NRG3: variants seen among roughly 807,000 people sequenced by gnomAD.
NRG3 encodes the protein pro-neuregulin-3, membrane-bound isoform.
NRG3 carries 31 observed loss-of-function variants against 66.9 expected under a neutral mutation model. The ratio of observed to expected loss-of-function variants is 0.46; its 90% CI spans 0.35 to 0.63. NRG3 has a LOEUF of 0.63. NRG3 is among the 20% of genes least tolerant of loss of function. The pLI is 0.00. For synonymous variants in NRG3, 393 were observed against 359.4 expected (o/e 1.09, Z -1.06); for missense variants, 910 against 878.9 (o/e 1.04, Z -0.45).
At chr10:82,314,604 C>A (rs942030240) in intron 1 of NRG3, among the ~76,000 whole-genome samples, 2 of 151,982 alleles carry the variant, frequency 1.3e-5, no homozygotes, top group Non-Finnish European at 2.9e-5. Flanking sequence ...GTCAGGAGAT[C>A]GAGACCATCC....
chr10:82,392,341 A>T (rs1034624788), intron 2 of NRG3, among the ~76,000 whole-genome samples: 11 of 152,154 alleles, frequency 7.2e-5, no homozygotes, highest in Admixed American at 5.9e-4. Flanking sequence ...CTGATAGACC[A>T]AGTGTTTAGG....
chr10:82,383,922 CTT>C (rs1415687477), intron 2 of NRG3, among the ~76,000 whole-genome samples: 1 of 151,736 alleles, frequency 6.6e-6, no homozygotes, highest in East Asian at 1.9e-4. Context: ...TCTTTTATGT[CTT>C]TTTATTTTTA....
intron 2 of NRG3, among the ~76,000 whole-genome samples, chr10:82,408,153 A>G (rs892086867): frequency 6.6e-6 from 1 of 151,140 alleles, no homozygotes; most frequent in African/African-American, 2.5e-5. Context: ...GAAAAGAAAA[A>G]GAAAAGTAAC....
chr10:82,914,664 A>G (rs79319236), intron 4 of NRG3, among the ~76,000 whole-genome samples: 12,763 of 151,930 alleles, frequency 0.084, 1,135 homozygotes, highest in African/African-American at 0.23. Flanking sequence ...TGCAGGAAAG[A>G]AAGTGTTTTA....
intron 1 of NRG3, among the ~76,000 whole-genome samples, chr10:81,943,497 T>C (rs1257904640): frequency 1.3e-5 from 2 of 152,326 alleles, no homozygotes; most frequent in African/African-American, 4.8e-5. Flanking sequence ...CCGACTAAAA[T>C]GGCATTGAAG....
At chr10:82,916,537 T>A (rs1464836841) in intron 4 of NRG3, among the ~76,000 whole-genome samples, 1 of 152,170 alleles carries the variant, frequency 6.6e-6, no homozygotes, top group Non-Finnish European at 1.5e-5. Flanking sequence ...ATAATGTTAG[T>A]CACCTTTGTG....
chr10:81,946,861 C>CTCTTGCTTAGGCACGGGCCTGG (rs1185218172), intron 1 of NRG3, among the ~76,000 whole-genome samples: 1 of 152,184 alleles, frequency 6.6e-6, no homozygotes, highest in African/African-American at 2.4e-5. Context: ...AAACCACGGG[C>CTCTTGCTTAGGCACGGGCCTGG]TCTTGCTTAG....
At chr10:82,894,875 T>C (rs2131828081) in intron 4 of NRG3, among the ~76,000 whole-genome samples, 1 of 152,306 alleles carries the variant, frequency 6.6e-6, no homozygotes, top group South Asian at 2.1e-4. Flanking sequence ...TAGGTGTTTG[T>C]GCTAATGCTC....
intron 2 of NRG3, among the ~76,000 whole-genome samples, chr10:82,420,238 G>C (rs2088962773): frequency 6.6e-6 from 1 of 152,064 alleles, no homozygotes; most frequent in Non-Finnish European, 1.5e-5. Context: ...CAGAGATCTT[G>C]TCACACTAAG....
At chr10:82,644,054 G>C (rs1452780827) in intron 2 of NRG3, among the ~76,000 whole-genome samples, 2 of 152,052 alleles carry the variant, frequency 1.3e-5, no homozygotes, top group Non-Finnish European at 2.9e-5. Context: ...TGCTTTGGCT[G>C]GTCTGTTTCT....
At chr10:82,379,182 T>G (rs1475735632) in intron 2 of NRG3, among the ~76,000 whole-genome samples, 1 of 152,114 alleles carries the variant, frequency 6.6e-6, no homozygotes, top group Non-Finnish European at 1.5e-5. Flanking sequence ...AGGGGTTAAC[T>G]GTGGCTTCCT....
chr10:82,085,368 G>A (rs1386275621), intron 1 of NRG3, among the ~76,000 whole-genome samples: 2 of 152,110 alleles, frequency 1.3e-5, no homozygotes, highest in African/African-American at 4.8e-5. Flanking sequence ...GGTCTCTTTT[G>A]TGTTGCTATA....
At chr10:82,962,077 G>A (rs1266225478) in intron 6 of NRG3, among the ~76,000 whole-genome samples, 1 of 152,166 alleles carries the variant, frequency 6.6e-6, no homozygotes, top group Non-Finnish European at 1.5e-5. Flanking sequence ...CTAACAAGAT[G>A]CAAAACACCT....
chr10:81,892,461 A>G (rs921016666), intron 1 of NRG3, among the ~76,000 whole-genome samples: 21 of 152,218 alleles, frequency 1.4e-4, no homozygotes, highest in African/African-American at 5.1e-4. Flanking sequence ...TACTTGCTGA[A>G]TTTTACAAAG....
intron 2 of NRG3, among the ~76,000 whole-genome samples, chr10:82,536,589 T>TCGACATGAAGACC (rs1374439620): frequency 6.6e-6 from 1 of 152,170 alleles, no homozygotes; most frequent in Non-Finnish European, 1.5e-5. Flanking sequence ...ACTTTGGTGA[T>TCGACATGAAGACC]CGACATGAAG....
chr10:82,469,663 G>A (rs1303745903), intron 2 of NRG3, among the ~76,000 whole-genome samples: 2 of 152,176 alleles, frequency 1.3e-5, no homozygotes, highest in African/African-American at 4.8e-5. Flanking sequence ...GTACCTAGGA[G>A]CCAAGCTATT....
At chr10:82,345,579 A>G (rs1347309747) in intron 1 of NRG3, among the ~76,000 whole-genome samples, 1 of 151,362 alleles carries the variant, frequency 6.6e-6, no homozygotes, top group Non-Finnish European at 1.5e-5. Flanking sequence ...ACTTTAAAGT[A>G]GTTTTTTCCA....
At chr10:82,452,539 G>A (rs566329450) in intron 2 of NRG3, among the ~76,000 whole-genome samples, 27 of 152,166 alleles carry the variant, frequency 1.8e-4, no homozygotes, top group African/African-American at 5.8e-4. Context: ...TGTGAGAATC[G>A]TCTTTCTTCA....
At chr10:82,726,996 T>C (rs1159572655) in intron 2 of NRG3, among the ~76,000 whole-genome samples, 1 of 152,132 alleles carries the variant, frequency 6.6e-6, no homozygotes, top group African/African-American at 2.4e-5. Flanking sequence ...TCCCTAGATA[T>C]TTGTGCAACT....
Sources: gnomAD v4.1 joint callset for allele counts (sites outside exome capture counted in the v4.1 genomes callset) on GRCh38, gnomAD v4.1.1 for gene constraint, MANE v1.5 for transcripts, NCBI Gene and HGNC (gene_info 2026-07-23, HGNC 2026-07-21) for gene names.